The following EPHA3 variants were observed in gnomAD, a reference collection of about 807,000 sequenced individuals.
EPHA3 encodes EPH receptor A3, also known as ephrin type-A receptor 3.
EPHA3 carries 42 observed loss-of-function variants against 107.1 expected under a neutral mutation model. The observed-to-expected ratio is 0.39, with a 90% CI of 0.31 to 0.51. The LOEUF is 0.51. Ranked by LOEUF, EPHA3 falls within the 20% of genes least tolerant of loss-of-function variation. The pLI is 0.78. For synonymous variants in EPHA3, 461 were observed against 424.8 expected (o/e 1.09, Z -1.05); for missense variants, 1,183 against 1,211.2 (o/e 0.98, Z 0.35).
chr3:89,136,353 T>TTTTTTTTTTTTTTTTC (rs1704314523), intron 2 of EPHA3, among the ~76,000 whole-genome samples: 1 of 139,792 alleles, frequency 7.2e-6, no homozygotes, highest in Non-Finnish European at 1.5e-5. Context: ...TTTTTTTTTT[T>TTTTTTTTTTTTTTTTC]TGACCCTTTC....
intron 2 of EPHA3, among the ~76,000 whole-genome samples, chr3:89,196,511 T>C (rs11914680): frequency 0.15 from 22,141 of 148,802 alleles, 2,073 homozygotes; most frequent in African/African-American, 0.24. Flanking sequence ...TTGATAAATA[T>C]GTGTTGAGTT....
intron 2 of EPHA3, among the ~76,000 whole-genome samples, chr3:89,201,905 C>T (rs1266170569): frequency 6.6e-6 from 1 of 152,164 alleles, no homozygotes; most frequent in Non-Finnish European, 1.5e-5. Context: ...CACATATCCA[C>T]AGCCCGCTGC....
intron 3 of EPHA3, among the ~76,000 whole-genome samples, chr3:89,261,915 C>T (rs1470479516): frequency 6.6e-6 from 1 of 151,698 alleles, no homozygotes; most frequent in Non-Finnish European, 1.5e-5. Flanking sequence ...GACCAACACA[C>T]AGACACCCAC....
chr3:89,315,934 A>G (rs1381141079), intron 3 of EPHA3, among the ~76,000 whole-genome samples: 2 of 151,934 alleles, frequency 1.3e-5, no homozygotes, highest in Admixed American at 1.3e-4. Context: ...GGTACTTATC[A>G]GTCAAGGGAC....
chr3:89,435,420 C>G (rs1709647613), intron 13 of EPHA3, among the ~76,000 whole-genome samples: 1 of 146,468 alleles, frequency 6.8e-6, no homozygotes, highest in Admixed American at 6.9e-5. Flanking sequence ...GGCAACATAG[C>G]AAGACTTCAT....
intron 15 of EPHA3, among the ~76,000 whole-genome samples, chr3:89,451,064 G>C (rs1384531715): frequency 1.3e-5 from 2 of 152,122 alleles, no homozygotes; most frequent in African/African-American, 2.4e-5. Context: ...ACAAATATTT[G>C]TCTAGTCTAT....
intron 16 of EPHA3, among the ~76,000 whole-genome samples, chr3:89,476,679 C>T (rs1710517878): frequency 6.6e-6 from 1 of 151,326 alleles, no homozygotes; most frequent in Non-Finnish European, 1.5e-5. Context: ...GCGATCTCGG[C>T]TCACTGCAAG....
At chr3:89,193,937 T>C (rs1705777840) in intron 2 of EPHA3, among the ~76,000 whole-genome samples, 1 of 152,038 alleles carries the variant, frequency 6.6e-6, no homozygotes, top group Admixed American at 6.6e-5. Flanking sequence ...CTATTTATGG[T>C]TCTAATGTAT....
chr3:89,479,253 C>T (rs895431455), intron 16 of EPHA3, 144 bp from the exon 17 acceptor site: 32 of 669,088 alleles, frequency 4.8e-5, no homozygotes, highest in African/African-American at 3.3e-4. Context: ...TGGAACGGTC[C>T]GGACATAACA....
At chr3:89,395,320 A>G (rs1708825531) in intron 5 of EPHA3, among the ~76,000 whole-genome samples, 1 of 152,172 alleles carries the variant, frequency 6.6e-6, no homozygotes. Context: ...GTCCTAAATC[A>G]TATCTATTTT....
intron 3 of EPHA3, among the ~76,000 whole-genome samples, chr3:89,301,813 G>A (rs1706498126): frequency 6.6e-6 from 1 of 152,010 alleles, no homozygotes; most frequent in Non-Finnish European, 1.5e-5. Flanking sequence ...TGATAGTCCG[G>A]AATATTATGA....
At chr3:89,121,755 C>CA (rs11342577) in intron 1 of EPHA3, among the ~76,000 whole-genome samples, 3,892 of 133,086 alleles carry the variant, frequency 0.029, 98 homozygotes, top group East Asian at 0.14. Context: ...GACCCCGTCT[C>CA]AAAAAAAAAA....
intron 2 of EPHA3, among the ~76,000 whole-genome samples, chr3:89,168,459 C>CA (rs1020909194): frequency 7.9e-5 from 12 of 151,206 alleles, no homozygotes; most frequent in South Asian, 2.1e-4. Flanking sequence ...AAAAACAAAC[C>CA]AAAAAAAATT....
chr3:89,141,389 C>T (rs1412881795), intron 2 of EPHA3, among the ~76,000 whole-genome samples: 5 of 151,450 alleles, frequency 3.3e-5, no homozygotes, highest in Admixed American at 1.3e-4. Context: ...GTGATTTATG[C>T]TATCTGTTCT....
At chr3:89,295,430 C>A (rs2107336664) in intron 3 of EPHA3, among the ~76,000 whole-genome samples, 1 of 152,186 alleles carries the variant, frequency 6.6e-6, no homozygotes, top group South Asian at 2.1e-4. Flanking sequence ...AGGTTCACTG[C>A]ATCTTTCACG....
intron 2 of EPHA3, among the ~76,000 whole-genome samples, chr3:89,150,932 A>G (rs920522359): frequency 4.6e-5 from 7 of 152,018 alleles, no homozygotes; most frequent in African/African-American, 1.7e-4. Flanking sequence ...GCTATGGATC[A>G]TGCCACTGCA....
intron 3 of EPHA3, among the ~76,000 whole-genome samples, chr3:89,258,400 T>A (rs1576270895): frequency 1.3e-5 from 2 of 152,282 alleles, no homozygotes; most frequent in African/African-American, 4.8e-5. Flanking sequence ...TGTATCAAAG[T>A]TAATCTTGGA....
Position 89,342,030 on chromosome 3 carries a change from T to C in EPHA3, c.1246T>C (p.Ser416Pro). 1 of 1,611,826 alleles carries C rather than the reference T, an allele frequency of 6.2e-7. No homozygotes were observed. Among genetic ancestry groups the C allele is most frequent in the Non-Finnish European group, 8.5e-7 (1 of 1,179,530 alleles). Residue 416 changes from serine (S) to proline (P), a missense_variant, in exon 5 of 17, where the codon TCA (serine) becomes CCA (proline). Transcript: ENST00000336596. ...TFEIDAVNGV[S>P]ELSSPPRQFA... ...TGAGATTGATGCCGTTAATGGGGTG[T>C]CAGAGCTGAGCTCCCCACCAAGACA...
chr3:89,471,859 T>C (rs1220892986), intron 15 of EPHA3, among the ~76,000 whole-genome samples: 1 of 152,142 alleles, frequency 6.6e-6, no homozygotes, highest in Non-Finnish European at 1.5e-5. Flanking sequence ...TGAACTTCAT[T>C]TGGTGTCAAG....
Sources: gnomAD v4.1 joint callset for allele counts (sites outside exome capture counted in the v4.1 genomes callset) on GRCh38, gnomAD v4.1.1 for gene constraint, MANE v1.5 for transcripts, NCBI Gene and HGNC (gene_info 2026-07-23, HGNC 2026-07-21) for gene names.